TUSC3: variants seen among roughly 807,000 people sequenced by gnomAD.
TUSC3 encodes dolichyl-diphosphooligosaccharide--protein glycosyltransferase subunit TUSC3.
Under a neutral mutation model 44.8 loss-of-function variants are expected in TUSC3, and 45 were observed. The ratio of observed to expected loss-of-function variants is 1.00; its 90% CI spans 0.79 to 1.29. The LOEUF is 1.29. Ranked by LOEUF, TUSC3 falls within the 50% of genes most tolerant of loss-of-function variation. The pLI is 0.00. For missense variants in TUSC3, 519 were observed against 437.9 expected (o/e 1.19, Z -1.65); for synonymous variants, 212 against 152.9 (o/e 1.39, Z -2.85).
chr8:15,709,268 T>A (rs1328567248), intron 6 of TUSC3, among the ~76,000 whole-genome samples: 1 of 151,884 alleles, frequency 6.6e-6, no homozygotes, highest in Non-Finnish European at 1.5e-5. Flanking sequence ...TAATATTAGC[T>A]CAACAGTAAT....
the TUSC3 span, among the ~76,000 whole-genome samples, chr8:15,811,247 T>C: frequency 6.6e-6 from 1 of 152,138 alleles, no homozygotes; most frequent in East Asian, 1.9e-4. Flanking sequence ...AGGCTTTTGT[T>C]TTCCTCTCTG....
At chr8:15,659,758 T>A (rs564170604) in intron 4 of TUSC3, 111 bp downstream of exon 4, 40 of 1,413,558 alleles carry the variant, frequency 2.8e-5, no homozygotes, top group Middle Eastern at 3.7e-4. Flanking sequence ...TTGTTTCTCC[T>A]TGCATAGAGA....
At chr8:15,614,508 C>A (rs943695151) in intron 1 of TUSC3, among the ~76,000 whole-genome samples, 5 of 152,022 alleles carry the variant, frequency 3.3e-5, no homozygotes, top group African/African-American at 7.2e-5. Flanking sequence ...TATAAATTTG[C>A]CTTTCTAGAC....
intron 1 of TUSC3, among the ~76,000 whole-genome samples, chr8:15,437,770 T>C (rs1056971180): frequency 1.3e-5 from 2 of 152,172 alleles, no homozygotes; most frequent in African/African-American, 4.8e-5. Context: ...GAAACCAGGA[T>C]CTATACCTCG....
intron 3 of TUSC3, among the ~76,000 whole-genome samples, chr8:15,652,124 T>A (rs1302266872): frequency 6.6e-6 from 1 of 152,212 alleles, no homozygotes; most frequent in African/African-American, 2.4e-5. Flanking sequence ...TAAAATGTTT[T>A]TACTATGTGA....
chr8:15,433,594 ACCG>A (rs1183619559), intron 1 of TUSC3, among the ~76,000 whole-genome samples: 1 of 151,528 alleles, frequency 6.6e-6, no homozygotes, highest in Admixed American at 6.6e-5. Flanking sequence ...ACACACCACC[ACCG>A]CCACCACCAC....
intron 7 of TUSC3, among the ~76,000 whole-genome samples, chr8:15,735,167 G>A (rs1052894501): frequency 3.3e-5 from 5 of 151,686 alleles, no homozygotes; most frequent in African/African-American, 1.2e-4. Context: ...GGGTAGAGAA[G>A]GTAGAGCAAA....
At chr8:15,495,560 T>C (rs889512750) in intron 2 of TUSC3, among the ~76,000 whole-genome samples, 2 of 152,144 alleles carry the variant, frequency 1.3e-5, no homozygotes, top group East Asian at 1.9e-4. Context: ...ACTACTCATA[T>C]TCTTTGTCTA....
the TUSC3 span, among the ~76,000 whole-genome samples, chr8:15,777,802 A>G: frequency 6.6e-6 from 1 of 152,294 alleles, no homozygotes; most frequent in East Asian, 1.9e-4. Context: ...AAAATATTAT[A>G]TACAGATATA....
intron 9 of TUSC3, among the ~76,000 whole-genome samples, chr8:15,749,741 T>A (rs1236245322): frequency 2.0e-5 from 3 of 150,568 alleles, no homozygotes; most frequent in Non-Finnish European, 4.4e-5. Context: ...AGTTTTTTTT[T>A]TTTTTCTTTT....
At chr8:15,728,162 T>C (rs1403235105) in intron 6 of TUSC3, among the ~76,000 whole-genome samples, 87 of 152,176 alleles carry the variant, frequency 5.7e-4, no homozygotes, top group Admixed American at 5.6e-3. Context: ...ATGATGTTTT[T>C]CTCACACATC....
In TUSC3 at chr8:15,637,076, A is replaced by G. The variant is rs1300527442; in HGVS notation, c.309-13621A>G. ...ATTCTAGGTTGCCTTTTTCAGGCAC[A>G]CAAAGAACTCTTCAATATGTATATA... is the stretch of plus-strand genomic sequence containing the variant. On this transcript the variant is annotated intron_variant, in intron 2 of 10. Coordinates refer to ENST00000503731, the MANE Select transcript of TUSC3 (RefSeq NM_006765.4). 2.0e-5 allele frequency among the ~76,000 whole-genome samples: 3 copies of G among 152,342 alleles called. No individual in the cohort carries two copies. In the East Asian group the frequency reaches 5.8e-4, roughly 29 times the overall value.
In TUSC3 at chr8:15,608,640, G is replaced by C. The variant is rs143895587; in HGVS notation, c.139-14440G>C. 6.0e-3 allele frequency among the ~76,000 whole-genome samples: 911 copies of C among 152,192 alleles called. 11 individuals carry two copies. Among genetic ancestry groups the C allele is most frequent in the African/African-American group, 0.021 (861 of 41,518 alleles). ...GTGGTTTCCCCCATGTTGTTCTTGTGATAGTGCGTGAGTCTCGTGAGATCC... is the reference window on the plus strand; with the variant it reads ...GTGGTTTCCCCCATGTTGTTCTTGTCATAGTGCGTGAGTCTCGTGAGATCC... On this transcript the variant is annotated intron_variant, in intron 1 of 10. Coordinates refer to ENST00000503731, the MANE Select transcript of TUSC3 (RefSeq NM_006765.4).
chr8:15,778,919 C>T, the TUSC3 span, among the ~76,000 whole-genome samples: 1 of 152,042 alleles, frequency 6.6e-6, no homozygotes, highest in Non-Finnish European at 1.5e-5. Context: ...TCTGAGTTTA[C>T]GTTAATTATA....
chr8:15,512,814 C>G (rs1272856846), intron 2 of TUSC3, among the ~76,000 whole-genome samples: 7 of 110,958 alleles, frequency 6.3e-5, no homozygotes, highest in Non-Finnish European at 9.5e-5. Flanking sequence ...CCCATTCTGT[C>G]TTGGGGTGTG....
intron 6 of TUSC3, among the ~76,000 whole-genome samples, chr8:15,683,663 G>A (rs1047255859): frequency 6.6e-6 from 1 of 152,076 alleles, no homozygotes; most frequent in African/African-American, 2.4e-5. Context: ...GGTTAGGATC[G>A]ATTGTTAGGG....
intron 9 of TUSC3, among the ~76,000 whole-genome samples, chr8:15,753,189 C>T (rs898968972): frequency 3.9e-5 from 6 of 152,012 alleles, no homozygotes; most frequent in Non-Finnish European, 8.8e-5. Flanking sequence ...ATCTGAATTT[C>T]ATGACTTAGT....
At chr8:15,453,582 C>G (rs1208219511) in intron 1 of TUSC3, among the ~76,000 whole-genome samples, 2 of 152,204 alleles carry the variant, frequency 1.3e-5, no homozygotes, top group African/African-American at 4.8e-5. Context: ...GCGATGACTG[C>G]CTCATTTTCA....
At chr8:15,536,284 G>C (rs1447526698), upstream of TUSC3, among the ~76,000 whole-genome samples, 3 of 152,304 alleles carry the variant, frequency 2.0e-5, no homozygotes, top group South Asian at 2.1e-4. Flanking sequence ...GTAATGTAAA[G>C]TCCTGAGGGC....
Sources: allele counts gnomAD v4.1 joint callset (sites outside exome capture counted in the v4.1 genomes callset), GRCh38; gene constraint gnomAD v4.1.1; transcripts MANE v1.5; gene names NCBI Gene and HGNC (gene_info 2026-07-23, HGNC 2026-07-21).